PTPN3: variants seen among roughly 807,000 people sequenced by gnomAD.
The protein encoded by PTPN3 is protein tyrosine phosphatase non-receptor type 3, also known as tyrosine-protein phosphatase non-receptor type 3.
In PTPN3, 96 loss-of-function variants were observed where a neutral mutation model predicts 132.7. That is an observed-to-expected ratio of 0.72 (90% CI 0.61 to 0.86). PTPN3 has a LOEUF of 0.86. Ranked by LOEUF, PTPN3 falls within the 40% of genes least tolerant of loss-of-function variation. The pLI is 0.00. For synonymous variants in PTPN3, 398 were observed against 429.0 expected (o/e 0.93, Z 0.89); for missense variants, 1,125 against 1,159.6 (o/e 0.97, Z 0.43).
chr9:109,410,283 G>T lies in PTPN3; in HGVS notation c.1446C>A (p.His482Gln), dbSNP rs147174947. The T allele has an allele frequency of 1.4e-3, 2,330 of 1,614,164 alleles. 43 individuals carry two copies. Among genetic ancestry groups the T allele is most frequent in the Non-Finnish European group, 2.3e-4 (276 of 1,180,034 alleles). Reference protein sequence around the residue: ...GVDQQLLDDFHRVTKGGSTED... With the variant: ...GVDQQLLDDFQRVTKGGSTED... ...CGGTGGAGCCCCCTTTGGTCACCCT[G>T]TGGAAGTCATCTAAGAGCTGCTGAT... The change falls in exon 15 of 26, where the codon CAC (histidine) becomes CAA (glutamine). Residue 482 changes from histidine to glutamine, a missense_variant. Coordinates refer to ENST00000374541, the MANE Select transcript of PTPN3 (RefSeq NM_002829.4).
At position 109,438,242 on chromosome 9, in the gene PTPN3, G is replaced by A. The variant is rs1844200596; in HGVS notation, c.467-8C>T. On this transcript the variant is annotated splice_region_variant and splice_polypyrimidine_tract_variant and intron_variant, in intron 7 of 25. Coordinates refer to ENST00000374541, the MANE Select transcript of PTPN3 (RefSeq NM_002829.4). ...TATAGTCTCCAAAATGAGCTATCAA[G>A]ACAGAAGAAGGGGAAAATCATAATT... The A allele has an allele frequency of 1.2e-6, 2 of 1,606,230 alleles. No homozygotes were observed. Among genetic ancestry groups the A allele is most frequent in the African/African-American group, 1.3e-5 (1 of 74,692 alleles).
chr9:109,450,901 T>C, intron 5 of PTPN3: 1 of 985,416 alleles, frequency 1.0e-6, no homozygotes, highest in Non-Finnish European at 1.2e-6. Context: ...ATACCACCTC[T>C]ATACATCTTC....
In PTPN3 at chr9:109,406,578, A is replaced by G. The variant is rs1230669336; in HGVS notation, c.1676T>C (p.Ile559Thr). Residue 559 changes from isoleucine (I) to threonine (T), a missense_variant, in exon 18 of 26, where the codon ATC becomes ACC. Transcript: ENST00000374541. ...CIPKLNEGDQ[I>T]VLINGRDISE... ...GATGTCCCGGCCATTGATTAACACG[A>G]TTTGATCCCCTTCGTTCAGCTTAGG... 3 of 1,614,068 alleles carry G rather than the reference A, an allele frequency of 1.9e-6. No homozygotes were observed. The highest frequency in any genetic ancestry group is 2.5e-6 in the Non-Finnish European group (3 of 1,179,992).
the PTPN3 span, among the ~76,000 whole-genome samples, chr9:109,533,126 A>ATTTTTTTTTTTT: frequency 1.6e-4 from 6 of 36,552 alleles, no homozygotes; most frequent in African/African-American, 4.9e-4. Context: ...TACCTGGCTA[A>ATTTTTTTTTTTT]TTTTTTTTTT....
At chr9:109,486,970 C>T (rs1165068907) in intron 1 of PTPN3, among the ~76,000 whole-genome samples, 1 of 152,136 alleles carries the variant, frequency 6.6e-6, no homozygotes, top group Non-Finnish European at 1.5e-5. Flanking sequence ...CCAAGGCCTC[C>T]CCAGCCTTGC....
intron 6 of PTPN3, among the ~76,000 whole-genome samples, chr9:109,446,348 C>A (rs538994383): frequency 6.6e-6 from 1 of 152,200 alleles, no homozygotes; most frequent in Non-Finnish European, 1.5e-5. Context: ...CCAGGGGTTC[C>A]GCTTCCTGTC....
At chr9:109,467,491 G>A (rs1409105960) in intron 1 of PTPN3, among the ~76,000 whole-genome samples, 3 of 152,140 alleles carry the variant, frequency 2.0e-5, no homozygotes, top group African/African-American at 7.2e-5. Flanking sequence ...GAACCTCAGG[G>A]TGTGTTTTGG....
chr9:109,525,409 C>T, the PTPN3 span, among the ~76,000 whole-genome samples: 1 of 152,198 alleles, frequency 6.6e-6, no homozygotes, highest in Admixed American at 6.5e-5. Flanking sequence ...CAAAAATTAA[C>T]TTCCTCTAAA....
At chr9:109,416,293 C>G (rs942810696) in intron 14 of PTPN3, among the ~76,000 whole-genome samples, 3 of 152,282 alleles carry the variant, frequency 2.0e-5, no homozygotes, top group African/African-American at 7.2e-5. Context: ...CCTGGGCTGT[C>G]TAACGACAGA....
At chr9:109,507,837 A>G in the PTPN3 span, among the ~76,000 whole-genome samples, 1 of 152,176 alleles carries the variant, frequency 6.6e-6, no homozygotes, top group East Asian at 1.9e-4. Context: ...CTTCATCCCT[A>G]TGAAGTTCTC....
intron 7 of PTPN3, among the ~76,000 whole-genome samples, chr9:109,439,119 G>A (rs56221881): frequency 0.024 from 3,603 of 152,260 alleles, 61 homozygotes; most frequent in Non-Finnish European, 0.036. Context: ...ACCTGTACAA[G>A]TGTCCATGGC....
intron 1 of PTPN3, among the ~76,000 whole-genome samples, chr9:109,489,649 C>T (rs1847367869): frequency 6.6e-6 from 1 of 152,106 alleles, no homozygotes; most frequent in Non-Finnish European, 1.5e-5. Flanking sequence ...GAAGTCAGTG[C>T]TGCAGTTAGA....
At chr9:109,503,924 A>C in the PTPN3 span, among the ~76,000 whole-genome samples, 2 of 152,188 alleles carry the variant, frequency 1.3e-5, no homozygotes, top group African/African-American at 4.8e-5. Flanking sequence ...CAAAACAAAA[A>C]TATCCCTGCT....
At position 109,383,425 on chromosome 9, in the gene PTPN3, G is replaced by C. The variant is rs574451296; in HGVS notation, c.2380C>G (p.Gln794Glu). ...VSREMLVTNTQTGEEHTVTHL... is the reference protein window; with the variant it reads ...VSREMLVTNTETGEEHTVTHL... Reference sequence around the variant, plus strand: ...GTGCCCCTCAGGCTGCGGCTCACCTGGGTGTTTGTGACCAGCATTTCTCGG... The same window carrying C: ...GTGCCCCTCAGGCTGCGGCTCACCTCGGTGTTTGTGACCAGCATTTCTCGG... Residue 794 changes from glutamine to glutamate, a missense_variant and splice_region_variant, in exon 23 of 26, where the codon CAG (glutamine) becomes GAG (glutamate). Coordinates refer to ENST00000374541, the MANE Select transcript of PTPN3 (RefSeq NM_002829.4). 4.3e-6 allele frequency: 7 copies of C among 1,613,926 alleles called. No homozygotes were observed. The African/African-American group carries it at 9.3e-5, about 22-fold the overall frequency.
At chr9:109,397,382 A>C (rs17793592) in intron 19 of PTPN3, among the ~76,000 whole-genome samples, 5,576 of 152,320 alleles carry the variant, frequency 0.037, 143 homozygotes, top group East Asian at 0.15. Flanking sequence ...CCATGTGAAT[A>C]AAGCATGCCC....
At chr9:109,489,150 C>G (rs963057830) in intron 1 of PTPN3, among the ~76,000 whole-genome samples, 3 of 152,228 alleles carry the variant, frequency 2.0e-5, no homozygotes. Flanking sequence ...CTGGCTTGTT[C>G]ATCTCCCTGT....
chr9:109,431,114 C>A (rs1843632430), intron 10 of PTPN3, among the ~76,000 whole-genome samples: 1 of 152,222 alleles, frequency 6.6e-6, no homozygotes, highest in Admixed American at 6.5e-5. Context: ...AGGGGCCAGG[C>A]CTCGACAGGA....
At chr9:109,452,906 G>A (rs1845349454) in intron 5 of PTPN3, among the ~76,000 whole-genome samples, 1 of 152,032 alleles carries the variant, frequency 6.6e-6, no homozygotes, top group African/African-American at 2.4e-5. Context: ...ACCTTGGTAG[G>A]GTCATTTCAA....
chr9:109,477,644 T>G (rs1351056116), intron 1 of PTPN3, among the ~76,000 whole-genome samples: 1 of 152,220 alleles, frequency 6.6e-6, no homozygotes, highest in Admixed American at 6.5e-5. Flanking sequence ...CAGGCAGCCG[T>G]CCCTGGGTTA....
Sources: allele counts gnomAD v4.1 joint callset (sites outside exome capture counted in the v4.1 genomes callset), GRCh38; gene constraint gnomAD v4.1.1; transcripts MANE v1.5; gene names NCBI Gene and HGNC (gene_info 2026-07-23, HGNC 2026-07-21).